The following UNC13C variants were observed in gnomAD, a reference collection of about 807,000 sequenced individuals.
The protein encoded by UNC13C is unc-13 homolog C.
A neutral mutation model predicts 245.4 loss-of-function variants in UNC13C; 174 were observed. The ratio of observed to expected loss-of-function variants is 0.71; its 90% CI spans 0.63 to 0.80. The LOEUF is 0.80. Among genes scored for constraint, UNC13C ranks in the 30% least tolerant of loss-of-function variants. The pLI, the probability that UNC13C is intolerant of heterozygous loss-of-function variation, is 0.00. For missense variants in UNC13C, 2,829 were observed against 2,602.9 expected, an observed-to-expected ratio of 1.09 and a Z score of -1.89; for synonymous variants, 992 against 895.1, an observed-to-expected ratio of 1.11 and a Z score of -1.93.
At chr15:54,325,194 A>G (rs973523636) in intron 14 of UNC13C, among the ~76,000 whole-genome samples, 4 of 152,022 alleles carry the variant, frequency 2.6e-5, no homozygotes, top group Admixed American at 6.6e-5. Context: ...GCCCATGATA[A>G]TAATAAATGA....
At chr15:54,376,813 A>G (rs1437133090) in intron 17 of UNC13C, among the ~76,000 whole-genome samples, 1 of 152,208 alleles carries the variant, frequency 6.6e-6, no homozygotes, top group Non-Finnish European at 1.5e-5. Flanking sequence ...TGAGTTCAAT[A>G]GGTTTCATGA....
intron 19 of UNC13C, among the ~76,000 whole-genome samples, chr15:54,424,372 T>TGA (rs1567260241): frequency 6.6e-6 from 1 of 151,846 alleles, no homozygotes; most frequent in Non-Finnish European, 1.5e-5. Context: ...TTTCTCCTGA[T>TGA]GAGAAGCTTA....
At chr15:53,926,206 T>C in the UNC13C span, among the ~76,000 whole-genome samples, 1 of 152,022 alleles carries the variant, frequency 6.6e-6, no homozygotes, top group Non-Finnish European at 1.5e-5. Flanking sequence ...AGAATCATTA[T>C]TTTCCCAGAG....
chr15:54,234,263 A>C (rs544879553), intron 4 of UNC13C, among the ~76,000 whole-genome samples: 5 of 145,602 alleles, frequency 3.4e-5, no homozygotes, highest in Non-Finnish European at 7.6e-5. Flanking sequence ...TATATATGGG[A>C]GTGTACTAAA....
chr15:53,841,665 T>C, the UNC13C span, among the ~76,000 whole-genome samples: 3 of 152,294 alleles, frequency 2.0e-5, no homozygotes, highest in East Asian at 3.9e-4. Flanking sequence ...TTTATGATTC[T>C]TGTTAGGAAA....
At chr15:53,918,547 A>G in the UNC13C span, among the ~76,000 whole-genome samples, 1 of 152,186 alleles carries the variant, frequency 6.6e-6, no homozygotes, top group Admixed American at 6.5e-5. Context: ...CTATTGAGTC[A>G]TTTTAAAGTC....
At chr15:54,198,132 G>A (rs535972810) in intron 4 of UNC13C, among the ~76,000 whole-genome samples, 8 of 152,140 alleles carry the variant, frequency 5.3e-5, no homozygotes, top group African/African-American at 1.7e-4. Flanking sequence ...CCATTGAACT[G>A]GGAACCACAC....
intron 19 of UNC13C, among the ~76,000 whole-genome samples, chr15:54,426,493 AAC>A (rs953759740): frequency 1.5e-5 from 2 of 137,910 alleles, no homozygotes; most frequent in African/African-American, 5.5e-5. Flanking sequence ...AGAGTCTGAA[AAC>A]AAAAAAAAAT....
chr15:54,269,574 G>T (rs1047512327), intron 10 of UNC13C, among the ~76,000 whole-genome samples: 1 of 152,080 alleles, frequency 6.6e-6, no homozygotes, highest in Non-Finnish European at 1.5e-5. Context: ...GCCAAATAAT[G>T]ATGCATGTGA....
chr15:54,243,868 T>G (rs1339702274), intron 7 of UNC13C, among the ~76,000 whole-genome samples: 1 of 152,228 alleles, frequency 6.6e-6, no homozygotes, highest in Admixed American at 6.5e-5. Context: ...TTATAGATCT[T>G]GGATATTAGA....
chr15:54,506,183 C>A (rs185782567), intron 22 of UNC13C, among the ~76,000 whole-genome samples: 16 of 152,242 alleles, frequency 1.1e-4, no homozygotes, highest in Admixed American at 3.3e-4. Flanking sequence ...GTTACAATGT[C>A]TGAGTTACAA....
At chr15:54,552,712 TTATATTGTACA>T (rs1208041685) in intron 28 of UNC13C, among the ~76,000 whole-genome samples, 1 of 79,450 alleles carries the variant, frequency 1.3e-5, no homozygotes, top group African/African-American at 5.3e-5. Context: ...TATAATTATA[TTATATTGTACA>T]ATATATAATA....
Position 54,333,790 on chromosome 15 carries a change from T to C in UNC13C, c.4518T>C (p.Thr1506=), listed in dbSNP as rs1255905606. Residue 1506 remains threonine, a synonymous_variant, in exon 16 of 33, where the codon ACT becomes ACC. Coordinates refer to ENST00000260323, the MANE Select transcript of UNC13C (RefSeq NM_001080534.3). ...KYRENFPASN[T]ERLQDLKSTV... is the part of the protein sequence containing the mutation. ...AGGAAAACTTTCCTGCAAGCAATACTGAAAGACTGCAAGACCTGAAATCAA... is the reference window on the plus strand; with the variant it reads ...AGGAAAACTTTCCTGCAAGCAATACCGAAAGACTGCAAGACCTGAAATCAA... 8 of 1,605,770 alleles carry C rather than the reference T, an allele frequency of 5.0e-6. No individual in the cohort carries two copies. Among genetic ancestry groups the C allele is most frequent in the African/African-American group, 1.3e-5 (1 of 74,800 alleles).
At chr15:54,032,353 TGA>T (rs983923865) in intron 2 of UNC13C, among the ~76,000 whole-genome samples, 6 of 152,188 alleles carry the variant, frequency 3.9e-5, no homozygotes, top group Admixed American at 3.3e-4. Context: ...CGGATAAACA[TGA>T]GAGATGCTTG....
At position 54,623,972 on chromosome 15, in the gene UNC13C, C is replaced by A. The variant is rs749118194; in HGVS notation, c.6359+18C>A. ...TTTCAGTTGTAAGTCATAAACCCAC[C>A]TTACTTATTCTACCAGGCAATAGTT... On this transcript the variant is annotated intron_variant, in intron 32 of 32. Coordinates refer to ENST00000260323, the MANE Select transcript of UNC13C (RefSeq NM_001080534.3). 3 of 1,612,176 alleles carry A rather than the reference C, an allele frequency of 1.9e-6. No individual in the cohort carries two copies. Among genetic ancestry groups the A allele is most frequent in the East Asian group, 4.5e-5 (2 of 44,852 alleles).
the UNC13C span, among the ~76,000 whole-genome samples, chr15:53,857,161 A>G: frequency 6.6e-6 from 1 of 151,988 alleles, no homozygotes; most frequent in African/African-American, 2.4e-5. Flanking sequence ...TGTGCCCATG[A>G]ATCTTTTTCC....
chr15:54,256,855 A>G (rs1423893003), intron 8 of UNC13C, among the ~76,000 whole-genome samples: 1 of 152,224 alleles, frequency 6.6e-6, no homozygotes, highest in Non-Finnish European at 1.5e-5. Flanking sequence ...TTTGTGGTTT[A>G]CGCAGTGCTA....
intron 30 of UNC13C, among the ~76,000 whole-genome samples, chr15:54,572,332 T>C (rs946439215): frequency 6.6e-6 from 1 of 152,058 alleles, no homozygotes; most frequent in African/African-American, 2.4e-5. Context: ...ATGAGTATTA[T>C]CTGGGAAAAA....
At chr15:54,320,666 G>A (rs1335672267) in intron 13 of UNC13C, 4 of 321,984 alleles carry the variant, frequency 1.2e-5, no homozygotes, top group African/African-American at 2.2e-5. Context: ...GTAACCCATA[G>A]CTTCCTTGTC....
Sources: allele counts gnomAD v4.1 joint callset (sites outside exome capture counted in the v4.1 genomes callset), GRCh38; gene constraint gnomAD v4.1.1; transcripts MANE v1.5; gene names NCBI Gene and HGNC (gene_info 2026-07-23, HGNC 2026-07-21).